The following EYS variants were observed in gnomAD, a reference collection of about 807,000 sequenced individuals.
The protein encoded by EYS is protein eyes shut homolog.
A neutral mutation model predicts 282.1 loss-of-function variants in EYS; 250 were observed. That is an observed-to-expected ratio of 0.89 (90% CI 0.80 to 0.98). The LOEUF (loss-of-function observed/expected upper bound fraction) is 0.98. EYS is among the 50% of genes least tolerant of loss of function. The probability of loss-of-function intolerance (pLI) is 0.00; values close to 1 mark genes in which losing one functional copy is unlikely to be tolerated. For synonymous variants in EYS, 1,355 were observed against 1,282.9 expected (o/e 1.06, Z -1.20); for missense variants, 4,016 against 3,709.0 (o/e 1.08, Z -2.15).
At chr6:65,560,985 C>T (rs1769032173) in intron 2 of EYS, among the ~76,000 whole-genome samples, 1 of 151,908 alleles carries the variant, frequency 6.6e-6, no homozygotes, top group Admixed American at 6.6e-5. Flanking sequence ...TTCATCATCT[C>T]TTATTTTGAT....
intron 5 of EYS, among the ~76,000 whole-genome samples, chr6:65,431,910 A>T (rs541779207): frequency 1.3e-5 from 2 of 152,246 alleles, no homozygotes; most frequent in South Asian, 2.1e-4. Context: ...ATCTTTCACA[A>T]GGCTTGTATT....
intron 28 of EYS, among the ~76,000 whole-genome samples, chr6:64,419,336 A>C (rs1232547432): frequency 3.3e-5 from 5 of 152,188 alleles, no homozygotes; most frequent in African/African-American, 1.2e-4. Context: ...CTACAATTTA[A>C]GATGAGATTT....
At chr6:63,763,405 A>G (rs1053503347) in intron 40 of EYS, among the ~76,000 whole-genome samples, 4 of 152,064 alleles carry the variant, frequency 2.6e-5, no homozygotes, top group African/African-American at 9.7e-5. Flanking sequence ...AAGTTAAATA[A>G]TAACTTTTCT....
intron 26 of EYS, among the ~76,000 whole-genome samples, chr6:64,490,640 C>T (rs545506370): frequency 1.0e-4 from 15 of 150,656 alleles, no homozygotes; most frequent in Middle Eastern, 3.4e-3. Flanking sequence ...TAAAATTCAA[C>T]GCAGTGCAAT....
At chr6:64,414,524 CAT>C (rs1774005465) in intron 28 of EYS, among the ~76,000 whole-genome samples, 1 of 152,072 alleles carries the variant, frequency 6.6e-6, no homozygotes, top group East Asian at 1.9e-4. Flanking sequence ...TTTGGCCAAA[CAT>C]AGAAGAATAG....
chr6:64,607,997 T>G (rs2149842360), intron 24 of EYS, among the ~76,000 whole-genome samples: 1 of 152,272 alleles, frequency 6.6e-6, no homozygotes, highest in Non-Finnish European at 1.5e-5. Context: ...TAGTTAGGCT[T>G]CCTTCATAAA....
chr6:64,086,022 T>G (rs1772146092), intron 31 of EYS, among the ~76,000 whole-genome samples: 1 of 152,234 alleles, frequency 6.6e-6, no homozygotes, highest in Non-Finnish European at 1.5e-5. Flanking sequence ...TTTGGCTGTC[T>G]TCTTACCTAC....
chr6:64,188,212 A>G (rs1255171496), intron 31 of EYS, among the ~76,000 whole-genome samples: 1 of 152,100 alleles, frequency 6.6e-6, no homozygotes, highest in East Asian at 1.9e-4. Context: ...TACCTTGCCA[A>G]CATACCTCAG....
At chr6:64,118,727 A>G (rs1373605952) in intron 31 of EYS, among the ~76,000 whole-genome samples, 1 of 152,118 alleles carries the variant, frequency 6.6e-6, no homozygotes, top group African/African-American at 2.4e-5. Flanking sequence ...ACAAAGGAAA[A>G]ATCAACAGAA....
chr6:64,174,391 C>T (rs1195698594), intron 31 of EYS, among the ~76,000 whole-genome samples: 3 of 151,934 alleles, frequency 2.0e-5, no homozygotes, highest in Admixed American at 6.6e-5. Flanking sequence ...ATATCACAAT[C>T]GTATTACTTT....
rs1766375447 is a variant in EYS, at chr6:64,590,640, A to T, written c.5227T>A (p.Ser1743Thr). ...TGTAAGTTTAACTCAAAATCCAGAG[A>T]ACTATCACTTGGGTGAAGTTTGAAC... is the stretch of plus-strand genomic sequence containing the variant. ...TLFKLHPSDS[S>T]LDFELNLQIY... Residue 1743 changes from serine to threonine, a missense_variant, in exon 26 of 43, where the codon TCT (serine) becomes ACT (threonine). Ser to Thr is a moderately conservative substitution (Grantham distance 58, BLOSUM62 1). Transcript: ENST00000503581. The T allele has an allele frequency of 1.9e-6, 3 of 1,551,204 alleles. No individual in the cohort carries two copies. In the African/African-American group the frequency reaches 4.1e-5, roughly 21 times the overall value.
chr6:65,228,066 TAA>T (rs138450355), intron 12 of EYS, among the ~76,000 whole-genome samples: 5,482 of 152,210 alleles, frequency 0.036, 152 homozygotes, highest in Non-Finnish European at 0.056. Context: ...GTTAAAATGT[TAA>T]GTTTGATGTT....
At chr6:64,355,429 C>T (rs1248327352) in intron 29 of EYS, among the ~76,000 whole-genome samples, 1 of 151,448 alleles carries the variant, frequency 6.6e-6, no homozygotes, top group Non-Finnish European at 1.5e-5. Context: ...TCACATAGTT[C>T]GTAACACACA....
intron 36 of EYS, among the ~76,000 whole-genome samples, chr6:63,832,196 A>C (rs1365440924): frequency 1.3e-5 from 2 of 152,216 alleles, no homozygotes; most frequent in Admixed American, 1.3e-4. Flanking sequence ...AGCTAGCAGA[A>C]GGCAAGAAAT....
At chr6:64,398,963 T>A (rs888333564) in intron 28 of EYS, among the ~76,000 whole-genome samples, 1 of 151,790 alleles carries the variant, frequency 6.6e-6, no homozygotes, top group African/African-American at 2.4e-5. Flanking sequence ...GTTAAAAATA[T>A]CTGAGGGAGA....
intron 22 of EYS, among the ~76,000 whole-genome samples, chr6:64,703,406 C>CAT (rs1562144049): frequency 9.3e-5 from 3 of 32,346 alleles, no homozygotes; most frequent in African/African-American, 2.4e-4. Flanking sequence ...CACACACACA[C>CAT]ACACATATAT....
chr6:65,311,809 T>A (rs1413292480), intron 11 of EYS, among the ~76,000 whole-genome samples: 2 of 152,152 alleles, frequency 1.3e-5, no homozygotes, highest in East Asian at 1.9e-4. Context: ...AAAGCAGAAA[T>A]CAGTGTAGGT....
At chr6:65,333,008 G>A (rs1769851391) in intron 11 of EYS, among the ~76,000 whole-genome samples, 1 of 150,984 alleles carries the variant, frequency 6.6e-6, no homozygotes, top group Non-Finnish European at 1.5e-5. Flanking sequence ...ATTTGTTAAT[G>A]TTTAAAACAA....
chr6:64,525,840 C>T (rs1273132853), intron 26 of EYS, among the ~76,000 whole-genome samples: 1 of 151,634 alleles, frequency 6.6e-6, no homozygotes, highest in Non-Finnish European at 1.5e-5. Flanking sequence ...ATGCAACTAC[C>T]ATATGATCCA....
Sources: allele counts gnomAD v4.1 joint callset (sites outside exome capture counted in the v4.1 genomes callset), GRCh38; gene constraint gnomAD v4.1.1; transcripts MANE v1.5; gene names NCBI Gene and HGNC (gene_info 2026-07-23, HGNC 2026-07-21).